The following ANKS1B variants were observed in gnomAD, a reference collection of about 807,000 sequenced individuals.
ANKS1B encodes ankyrin repeat and sterile alpha motif domain containing 1B.
In ANKS1B, 36 loss-of-function variants were observed where a neutral mutation model predicts 148.3. That is an observed-to-expected ratio of 0.24 (90% CI 0.19 to 0.32). ANKS1B has a LOEUF of 0.32. Ranked by LOEUF, ANKS1B falls within the 10% of genes least tolerant of loss-of-function variation. The probability of loss-of-function intolerance (pLI) is 1.00; values close to 1 mark genes in which losing one functional copy is unlikely to be tolerated. For synonymous variants in ANKS1B, 542 were observed against 560.8 expected, an observed-to-expected ratio of 0.97 and a Z score of 0.47; for missense variants, 1,157 against 1,542.6, an observed-to-expected ratio of 0.75 and a Z score of 4.19.
At chr12:99,611,426 T>C (rs2097901699) in intron 9 of ANKS1B, among the ~76,000 whole-genome samples, 1 of 152,084 alleles carries the variant, frequency 6.6e-6, no homozygotes, top group South Asian at 2.1e-4. Flanking sequence ...TGTTTGTTTG[T>C]TTAAGCACAC....
intron 11 of ANKS1B, among the ~76,000 whole-genome samples, chr12:99,427,397 T>C (rs1203082183): frequency 6.6e-6 from 1 of 152,194 alleles, no homozygotes; most frequent in African/African-American, 2.4e-5. Flanking sequence ...GGTCTTTGTA[T>C]TGCTATTTCA....
intron 2 of ANKS1B, among the ~76,000 whole-genome samples, chr12:99,812,923 C>T (rs2068614084): frequency 6.6e-6 from 1 of 151,312 alleles, no homozygotes; most frequent in Non-Finnish European, 1.5e-5. Context: ...TGTAAGGGAC[C>T]CTTGACAAGC....
chr12:99,302,913 C>T (rs1199732835), intron 12 of ANKS1B, among the ~76,000 whole-genome samples: 1 of 152,214 alleles, frequency 6.6e-6, no homozygotes, highest in South Asian at 2.1e-4. Context: ...AACTAAATTT[C>T]AAAAGAGCTT....
chr12:99,928,785 C>T (rs889814026), intron 1 of ANKS1B, among the ~76,000 whole-genome samples: 1 of 152,126 alleles, frequency 6.6e-6, no homozygotes, highest in Admixed American at 6.5e-5. Context: ...AGGGTATAAA[C>T]CCTCTCAGGA....
At chr12:99,176,392 C>G (rs977812778) in intron 14 of ANKS1B, among the ~76,000 whole-genome samples, 1 of 152,170 alleles carries the variant, frequency 6.6e-6, no homozygotes, top group African/African-American at 2.4e-5. Flanking sequence ...CACATTTTCA[C>G]CATGTCATTA....
At chr12:99,336,642 G>T (rs541995469) in intron 12 of ANKS1B, among the ~76,000 whole-genome samples, 2 of 151,892 alleles carry the variant, frequency 1.3e-5, no homozygotes, top group Admixed American at 6.6e-5. Flanking sequence ...CCAAATCTAC[G>T]TTCTTAGCAC....
intron 9 of ANKS1B, among the ~76,000 whole-genome samples, chr12:99,550,019 T>G (rs76636830): frequency 0.14 from 21,191 of 152,218 alleles, 1,674 homozygotes; most frequent in Non-Finnish European, 0.17. Flanking sequence ...CTAGCTGGTA[T>G]CCCCTTCTGC....
At chr12:99,807,014 C>T (rs960836539) in intron 3 of ANKS1B, among the ~76,000 whole-genome samples, 3 of 152,144 alleles carry the variant, frequency 2.0e-5, no homozygotes, top group Non-Finnish European at 2.9e-5. Flanking sequence ...ACAGTGATAT[C>T]TGCATGGTGC....
intron 12 of ANKS1B, among the ~76,000 whole-genome samples, chr12:99,380,804 T>TTCCTTCCTTCCTTC (rs1566991383): frequency 6.6e-4 from 67 of 100,802 alleles, no homozygotes; most frequent in African/African-American, 2.2e-3. Context: ...TTCCTTCCTT[T>TTCCTTCCTTCCTTC]CTCATGCTCC....
intron 11 of ANKS1B, among the ~76,000 whole-genome samples, chr12:99,428,343 T>C (rs1456781382): frequency 1.3e-5 from 2 of 152,148 alleles, no homozygotes; most frequent in Non-Finnish European, 2.9e-5. Context: ...GAGGTGTCCA[T>C]GTGGAGCTTT....
chr12:99,020,849 C>T (rs2099945383), intron 17 of ANKS1B, among the ~76,000 whole-genome samples: 1 of 151,758 alleles, frequency 6.6e-6, no homozygotes, highest in Admixed American at 6.6e-5. Flanking sequence ...AAAACAATCT[C>T]CAAAATATAA....
chr12:99,522,296 T>A (rs922325320), intron 9 of ANKS1B, among the ~76,000 whole-genome samples: 1 of 152,164 alleles, frequency 6.6e-6, no homozygotes, highest in Non-Finnish European at 1.5e-5. Flanking sequence ...CTGTGCCACC[T>A]AAATTTACAG....
At chr12:99,408,607 A>G (rs1412186021) in intron 11 of ANKS1B, among the ~76,000 whole-genome samples, 1 of 145,972 alleles carries the variant, frequency 6.9e-6, no homozygotes, top group Non-Finnish European at 1.5e-5. Context: ...ATCTGACAAG[A>G]GATTAATAGC....
chr12:99,577,672 GA>G (rs1418196520), intron 9 of ANKS1B, among the ~76,000 whole-genome samples: 1 of 152,000 alleles, frequency 6.6e-6, no homozygotes. Flanking sequence ...GAACCAGGAG[GA>G]AACTGAAACA....
chr12:99,676,644 G>A (rs2098574289), intron 8 of ANKS1B, among the ~76,000 whole-genome samples: 2 of 152,178 alleles, frequency 1.3e-5, no homozygotes, highest in Admixed American at 1.3e-4. Context: ...TTTTCAATTT[G>A]AAATATTCCA....
At chr12:98,735,726 G>A in intron 9 of ANKS1B, 2 of 600,438 alleles carry the variant, frequency 3.3e-6, no homozygotes, top group Non-Finnish European at 6.3e-6. Flanking sequence ...CTGGCATTGT[G>A]GTAGGTATTG....
At chr12:98,996,606 A>G (rs1788800492) in intron 17 of ANKS1B, among the ~76,000 whole-genome samples, 1 of 152,014 alleles carries the variant, frequency 6.6e-6, no homozygotes, top group South Asian at 2.1e-4. Context: ...CGAGGTCAGG[A>G]GATCCAGACC....
At chr12:99,103,526 A>G (rs1255168235) in intron 15 of ANKS1B, among the ~76,000 whole-genome samples, 1 of 152,178 alleles carries the variant, frequency 6.6e-6, no homozygotes, top group Non-Finnish European at 1.5e-5. Flanking sequence ...TTACATATAC[A>G]TTTTTAAATT....
At chr12:98,972,153 GC>G (rs1227976587) in intron 17 of ANKS1B, among the ~76,000 whole-genome samples, 1 of 151,774 alleles carries the variant, frequency 6.6e-6, no homozygotes, top group Non-Finnish European at 1.5e-5. Context: ...GGGCAACACA[GC>G]GAGACTCTGT....
Sources: allele counts gnomAD v4.1 joint callset (sites outside exome capture counted in the v4.1 genomes callset), GRCh38; gene constraint gnomAD v4.1.1; transcripts MANE v1.5; gene names NCBI Gene and HGNC (gene_info 2026-07-23, HGNC 2026-07-21).